Variants in RPS6KC1 observed in about 807,000 individuals in gnomAD.
RPS6KC1 encodes inactive ribosomal protein S6 kinase delta-1.
A neutral mutation model predicts 103.8 loss-of-function variants in RPS6KC1; 54 were observed. The observed-to-expected ratio is 0.52, with a 90% CI of 0.42 to 0.65. The LOEUF (loss-of-function observed/expected upper bound fraction) is 0.65. RPS6KC1 is among the 30% of genes least tolerant of loss of function. The pLI, the probability that RPS6KC1 is intolerant of heterozygous loss-of-function variation, is 0.00. For synonymous variants in RPS6KC1, 439 were observed against 438.7 expected, an observed-to-expected ratio of 1.00 and a Z score of -0.01; for missense variants, 1,151 against 1,253.8, an observed-to-expected ratio of 0.92 and a Z score of 1.24.
the RPS6KC1 span, among the ~76,000 whole-genome samples, chr1:213,438,919 GAGT>G: frequency 1.9e-4 from 29 of 150,514 alleles, no homozygotes; most frequent in African/African-American, 7.1e-4. Flanking sequence ...TCAGCCTCCC[GAGT>G]AGCTGGGACT....
chr1:213,055,293 A>AT (rs1462121351), intron 1 of RPS6KC1, among the ~76,000 whole-genome samples: 1 of 150,342 alleles, frequency 6.7e-6, no homozygotes, highest in East Asian at 1.9e-4. Context: ...ATTTTCTAGA[A>AT]TTTTGTATAC....
At chr1:213,507,212 T>C in the RPS6KC1 span, among the ~76,000 whole-genome samples, 6 of 152,276 alleles carry the variant, frequency 3.9e-5, no homozygotes, top group East Asian at 7.7e-4. Flanking sequence ...ATCCCCACAT[T>C]TGAGGACTCG....
chr1:213,828,693 C>T, the RPS6KC1 span, among the ~76,000 whole-genome samples: 3 of 152,150 alleles, frequency 2.0e-5, no homozygotes, highest in Non-Finnish European at 4.4e-5. Flanking sequence ...CCCAACCCCT[C>T]ACACTGGGAT....
intron 11 of RPS6KC1, 127 bp from the exon 12 acceptor site, chr1:213,242,442 C>T (rs1334791721): frequency 4.5e-6 from 5 of 1,112,466 alleles, no homozygotes; most frequent in Admixed American, 1.9e-5. Flanking sequence ...GTAATAGCTT[C>T]TAGTACTTAA....
At chr1:213,216,551 A>T (rs1182828884) in intron 8 of RPS6KC1, among the ~76,000 whole-genome samples, 1 of 152,228 alleles carries the variant, frequency 6.6e-6, no homozygotes. Flanking sequence ...TCTCCACCCC[A>T]AATCAACAGA....
At chr1:213,782,997 C>G in the RPS6KC1 span, among the ~76,000 whole-genome samples, 1 of 152,160 alleles carries the variant, frequency 6.6e-6, no homozygotes, top group Non-Finnish European at 1.5e-5. Context: ...ATTTCGGAAG[C>G]GCTGGACTAT....
chr1:213,234,392 G>C (rs1432945430), intron 10 of RPS6KC1, among the ~76,000 whole-genome samples: 2 of 152,150 alleles, frequency 1.3e-5, no homozygotes, highest in African/African-American at 4.8e-5. Context: ...GAACTATACA[G>C]ATCTTTAACA....
At chr1:213,159,864 A>G (rs956759655) in intron 6 of RPS6KC1, among the ~76,000 whole-genome samples, 1 of 152,230 alleles carries the variant, frequency 6.6e-6, no homozygotes, top group Non-Finnish European at 1.5e-5. Flanking sequence ...TGATTACTCA[A>G]AAATCTTTGA....
At chr1:213,843,155 T>C in the RPS6KC1 span, among the ~76,000 whole-genome samples, 2 of 152,204 alleles carry the variant, frequency 1.3e-5, no homozygotes, top group Non-Finnish European at 2.9e-5. Flanking sequence ...CAGTCTTTGC[T>C]CTTAAGACCT....
the RPS6KC1 span, among the ~76,000 whole-genome samples, chr1:213,401,857 A>T: frequency 6.6e-6 from 1 of 152,020 alleles, no homozygotes; most frequent in Non-Finnish European, 1.5e-5. Flanking sequence ...TGTGCTCATA[A>T]TTCATTGCAG....
intron 6 of RPS6KC1, among the ~76,000 whole-genome samples, chr1:213,155,911 AT>A (rs1328360432): frequency 6.6e-6 from 1 of 152,206 alleles, no homozygotes; most frequent in Non-Finnish European, 1.5e-5. Context: ...TTCAAGAACC[AT>A]TTCTGTATCC....
At chr1:213,248,287 A>G (rs1471064698) in intron 12 of RPS6KC1, among the ~76,000 whole-genome samples, 1 of 152,196 alleles carries the variant, frequency 6.6e-6, no homozygotes, top group Admixed American at 6.5e-5. Context: ...ATATTTAAAT[A>G]TTATGTTTCA....
the RPS6KC1 span, among the ~76,000 whole-genome samples, chr1:213,391,857 G>T: frequency 6.6e-6 from 1 of 152,024 alleles, no homozygotes; most frequent in African/African-American, 2.4e-5. Context: ...TGAGATGCAG[G>T]GCCAAATATG....
chr1:213,516,372 T>C, the RPS6KC1 span, among the ~76,000 whole-genome samples: 1 of 152,304 alleles, frequency 6.6e-6, no homozygotes, highest in East Asian at 1.9e-4. Context: ...GGGTTTGTCA[T>C]AGATAGCTCT....
At chr1:213,606,981 C>T in the RPS6KC1 span, among the ~76,000 whole-genome samples, 1 of 152,164 alleles carries the variant, frequency 6.6e-6, no homozygotes, top group East Asian at 1.9e-4. Context: ...AAACTAAGGG[C>T]AGGATCCACC....
intron 2 of RPS6KC1, among the ~76,000 whole-genome samples, chr1:213,072,395 A>G (rs1310965656): frequency 6.6e-6 from 1 of 152,120 alleles, no homozygotes; most frequent in East Asian, 1.9e-4. Context: ...TTTTTATACA[A>G]AAATTAGCTG....
chr1:213,837,208 A>C, the RPS6KC1 span: 14 of 152,182 alleles, frequency 9.2e-5, no homozygotes, highest in Admixed American at 9.2e-4. Context: ...AAAGGGGACT[A>C]AAGAACATAT....
chr1:213,523,840 T>G, the RPS6KC1 span, among the ~76,000 whole-genome samples: 197 of 152,284 alleles, frequency 1.3e-3, 1 homozygote, highest in African/African-American at 4.6e-3. Flanking sequence ...GTTTCACTGA[T>G]GAAAGGGCCT....
chr1:213,269,597 A>G (rs553796894), intron 14 of RPS6KC1, among the ~76,000 whole-genome samples: 165 of 152,236 alleles, frequency 1.1e-3, no homozygotes, highest in Non-Finnish European at 1.7e-3. Flanking sequence ...TACACTGATT[A>G]TAATAACCAT....
Sources: gnomAD v4.1 joint callset for allele counts (sites outside exome capture counted in the v4.1 genomes callset) on GRCh38, gnomAD v4.1.1 for gene constraint, MANE v1.5 for transcripts, NCBI Gene and HGNC (gene_info 2026-07-23, HGNC 2026-07-21) for gene names.